The following DLG2 variants were observed in gnomAD, a reference collection of about 807,000 sequenced individuals.
DLG2 encodes the protein disks large homolog 2.
Under a neutral mutation model 132.5 loss-of-function variants are expected in DLG2, and 45 were observed. The ratio of observed to expected loss-of-function variants is 0.34; its 90% CI spans 0.27 to 0.44. DLG2 has a LOEUF of 0.44. Ranked by LOEUF, DLG2 falls within the 20% of genes least tolerant of loss-of-function variation. The probability of loss-of-function intolerance (pLI) is 1.00; values close to 1 mark genes in which losing one functional copy is unlikely to be tolerated. For synonymous variants in DLG2, 424 were observed against 419.6 expected, an observed-to-expected ratio of 1.01 and a Z score of -0.13; for missense variants, 1,045 against 1,196.9, an observed-to-expected ratio of 0.87 and a Z score of 1.87.
At chr11:85,187,960 G>T (rs1452983076) in intron 4 of DLG2, among the ~76,000 whole-genome samples, 1 of 152,154 alleles carries the variant, frequency 6.6e-6, no homozygotes, top group Non-Finnish European at 1.5e-5. Context: ...GCCATAAAGG[G>T]CCTTGATAAG....
intron 3 of DLG2, among the ~76,000 whole-genome samples, chr11:85,432,656 A>C (rs2091258314): frequency 6.6e-6 from 1 of 152,132 alleles, no homozygotes; most frequent in Non-Finnish European, 1.5e-5. Flanking sequence ...AACCTCCCAG[A>C]AATACGGAAC....
chr11:85,210,138 C>T (rs1330562491), intron 4 of DLG2, among the ~76,000 whole-genome samples: 3 of 152,094 alleles, frequency 2.0e-5, no homozygotes, highest in African/African-American at 4.8e-5. Flanking sequence ...ATCTGTCTTC[C>T]CCATTAGAAT....
At chr11:84,627,545 A>T (rs955478859) in intron 6 of DLG2, among the ~76,000 whole-genome samples, 9 of 152,262 alleles carry the variant, frequency 5.9e-5, no homozygotes, top group African/African-American at 2.2e-4. Context: ...GCTTGTACCC[A>T]AAAGTAGAAG....
At chr11:83,945,156 A>G (rs369524956) in intron 14 of DLG2, among the ~76,000 whole-genome samples, 33 of 152,208 alleles carry the variant, frequency 2.2e-4, no homozygotes, top group African/African-American at 7.7e-4. Flanking sequence ...CACGCCTATA[A>G]TCCCAGCCAC....
chr11:84,414,704 A>G (rs1228552120), intron 7 of DLG2, among the ~76,000 whole-genome samples: 2 of 152,212 alleles, frequency 1.3e-5, no homozygotes, highest in East Asian at 3.8e-4. Flanking sequence ...CAGTCCTAAT[A>G]TTATGCGACT....
intron 2 of DLG2, among the ~76,000 whole-genome samples, chr11:85,611,681 G>T (rs184684840): frequency 4.2e-4 from 64 of 152,340 alleles, no homozygotes; most frequent in African/African-American, 1.5e-3. Flanking sequence ...GAATAAATGT[G>T]TATACAGATA....
At chr11:83,961,035 A>C (rs757906631) in intron 14 of DLG2, among the ~76,000 whole-genome samples, 5 of 152,086 alleles carry the variant, frequency 3.3e-5, no homozygotes, top group East Asian at 3.8e-4. Context: ...TACCGTAAAA[A>C]TATTTCATGT....
chr11:83,757,310 T>C (rs901414864), intron 18 of DLG2, among the ~76,000 whole-genome samples: 2 of 152,216 alleles, frequency 1.3e-5, no homozygotes, highest in Admixed American at 1.3e-4. Flanking sequence ...TGAGTAACAG[T>C]GAATTTATAT....
intron 11 of DLG2, among the ~76,000 whole-genome samples, chr11:83,981,450 A>T (rs1375396138): frequency 6.6e-6 from 1 of 152,094 alleles, no homozygotes; most frequent in African/African-American, 2.4e-5. Flanking sequence ...TTAATTAATT[A>T]ATTTAATTTT....
intron 18 of DLG2, among the ~76,000 whole-genome samples, chr11:83,777,801 G>C (rs1486853029): frequency 1.3e-5 from 2 of 152,094 alleles, no homozygotes; most frequent in Admixed American, 1.3e-4. Flanking sequence ...GGGGAAAAAA[G>C]GAAACATTTA....
intron 7 of DLG2, among the ~76,000 whole-genome samples, chr11:84,463,024 G>A (rs2099084593): frequency 6.6e-6 from 1 of 151,070 alleles, no homozygotes; most frequent in Non-Finnish European, 1.5e-5. Flanking sequence ...TTTGTTACAA[G>A]GCAGTCTTCA....
At chr11:84,226,725 G>C (rs2097000978) in intron 8 of DLG2, among the ~76,000 whole-genome samples, 1 of 152,104 alleles carries the variant, frequency 6.6e-6, no homozygotes, top group African/African-American at 2.4e-5. Context: ...GGGCAGATAA[G>C]GAAACAGTGT....
chr11:83,581,825 A>G (rs1315953186), intron 19 of DLG2, among the ~76,000 whole-genome samples: 1 of 152,122 alleles, frequency 6.6e-6, no homozygotes, highest in Non-Finnish European at 1.5e-5. Flanking sequence ...GCATGGAACC[A>G]CATAAAAATC....
At chr11:83,485,950 G>A (rs964512253) in intron 21 of DLG2, among the ~76,000 whole-genome samples, 2 of 151,948 alleles carry the variant, frequency 1.3e-5, no homozygotes, top group African/African-American at 4.8e-5. Context: ...GAAAAATAAT[G>A]AACCAAATAA....
intron 27 of DLG2, among the ~76,000 whole-genome samples, chr11:83,460,608 T>C (rs1349814088): frequency 6.6e-6 from 1 of 152,244 alleles, no homozygotes; most frequent in Non-Finnish European, 1.5e-5. Context: ...GGAGTAGATT[T>C]AAGTACATTT....
At chr11:83,483,196 ACT>A (rs1406066844) in intron 22 of DLG2, 1 of 1,487,936 alleles carries the variant, frequency 6.7e-7, no homozygotes, top group African/African-American at 1.4e-5. Flanking sequence ...CAAAAGCCAA[ACT>A]CAAAAGGAAA....
chr11:85,200,934 C>T (rs1349748213), intron 4 of DLG2, among the ~76,000 whole-genome samples: 2 of 152,114 alleles, frequency 1.3e-5, no homozygotes, highest in Non-Finnish European at 2.9e-5. Flanking sequence ...GGGGCCCCAT[C>T]AGCTCCAGCT....
At chr11:85,551,113 G>C (rs1327346372) in intron 3 of DLG2, among the ~76,000 whole-genome samples, 1 of 152,188 alleles carries the variant, frequency 6.6e-6, no homozygotes, top group Non-Finnish European at 1.5e-5. Context: ...TATGTGTTTT[G>C]AAAACACTTT....
intron 1 of DLG2, among the ~76,000 whole-genome samples, chr11:85,626,976 CAATT>C (rs954716705): frequency 1.3e-5 from 2 of 152,128 alleles, no homozygotes; most frequent in East Asian, 1.9e-4. Flanking sequence ...ATGACTAACT[CAATT>C]AAGGCACAAA....
Sources: gnomAD v4.1 joint callset for allele counts (sites outside exome capture counted in the v4.1 genomes callset) on GRCh38, gnomAD v4.1.1 for gene constraint, MANE v1.5 for transcripts, NCBI Gene and HGNC (gene_info 2026-07-23, HGNC 2026-07-21) for gene names.